HMGCL: variants seen among roughly 807,000 people sequenced by gnomAD.
HMGCL encodes 3-hydroxy-3-methylglutaryl-CoA lyase.
HMGCL carries 26 observed loss-of-function variants against 37.3 expected under a neutral mutation model. The ratio of observed to expected loss-of-function variants is 0.70; its 90% CI spans 0.51 to 0.97. HMGCL has a LOEUF of 0.97. Among genes scored for constraint, HMGCL ranks in the 50% least tolerant of loss-of-function variants. The pLI, the probability that HMGCL is intolerant of heterozygous loss-of-function variation, is 0.00. For missense variants in HMGCL, 379 were observed against 398.1 expected, an observed-to-expected ratio of 0.95 and a Z score of 0.41; for synonymous variants, 151 against 148.0, an observed-to-expected ratio of 1.02 and a Z score of -0.15.
At position 23,817,563 on chromosome 1, in the gene HMGCL, C is replaced by T. The variant is rs1173716795; in HGVS notation, c.165G>A (p.Val55=). The change falls in exon 3 of 9, where the codon GTG becomes GTA. Residue 55 remains valine (V), a synonymous_variant. Transcript: ENST00000374490. ...AAAGCATGTCTATCAGCTTGATTTT[C>T]ACTGGAGTAGATACGATATTCTATA... is the stretch of plus-strand genomic sequence containing the variant. The part of the protein sequence containing the change: ...QNEKNIVSTP[V]KIKLIDMLSE... 5 of 1,609,992 alleles carry T rather than the reference C, an allele frequency of 3.1e-6. No individual in the cohort carries two copies. The East Asian group carries it at 8.9e-5, about 29-fold the overall frequency.
intron 4 of HMGCL, among the ~76,000 whole-genome samples, chr1:23,815,421 T>G (rs1479016821): frequency 6.6e-6 from 1 of 152,032 alleles, no homozygotes; most frequent in African/African-American, 2.4e-5. Flanking sequence ...ATTTGGGACT[T>G]CTGGCCTCCA....
chr1:23,822,536 G>C (rs1638740177), intron 1 of HMGCL, among the ~76,000 whole-genome samples: 1 of 152,142 alleles, frequency 6.6e-6, no homozygotes, highest in Non-Finnish European at 1.5e-5. Context: ...ATCCGCTAAG[G>C]ATCTCAACCC....
In HMGCL at chr1:23,802,294, G is replaced by A; in HGVS notation, c.*169C>T. The A allele has an allele frequency of 1.5e-6, 1 of 645,512 alleles. No homozygotes were observed. 40.0% of individuals were successfully genotyped at this position (645,512 alleles called of 1,614,324 possible). ...GGGCAGGAGGTCCTTCTGCCAAGCA[G>A]CTCCTCCTGCCCTTCGCCTGCTTTC... On this transcript the variant is annotated 3_prime_UTR_variant, in exon 9 of 9. Transcript: ENST00000374490.
intron 5 of HMGCL, among the ~76,000 whole-genome samples, chr1:23,811,379 C>T (rs1638517240): frequency 6.6e-6 from 1 of 152,244 alleles, no homozygotes; most frequent in Non-Finnish European, 1.5e-5. Context: ...GATAAGGTTC[C>T]TGCCCTCTCA....
chr1:23,808,872 AGC>A (rs1416764787), intron 6 of HMGCL, among the ~76,000 whole-genome samples: 74 of 150,374 alleles, frequency 4.9e-4, no homozygotes, highest in Non-Finnish European at 9.3e-4. Context: ...CCTCCCAAGT[AGC>A]TTGGACCATA....
intron 4 of HMGCL, among the ~76,000 whole-genome samples, chr1:23,814,833 G>A (rs912867140): frequency 1.3e-5 from 2 of 152,080 alleles, no homozygotes; most frequent in Non-Finnish European, 2.9e-5. Context: ...TGGAAACAGC[G>A]TCATTGCAGA....
At chr1:23,815,483 CTTTCTTTTTTTT>C (rs1638595869) in intron 4 of HMGCL, among the ~76,000 whole-genome samples, 1 of 151,366 alleles carries the variant, frequency 6.6e-6, no homozygotes, top group Non-Finnish European at 1.5e-5. Context: ...ATTTGTAGTG[CTTTCTTTTTTTT>C]TTTCTTTTTT....
intron 2 of HMGCL, among the ~76,000 whole-genome samples, chr1:23,819,979 T>C (rs944535995): frequency 6.6e-6 from 1 of 152,198 alleles, no homozygotes; most frequent in Non-Finnish European, 1.5e-5. Context: ...CCAACTTTCC[T>C]CATACTAAAT....
chr1:23,807,246 G>C (rs781518514), intron 7 of HMGCL: 23 of 518,640 alleles, frequency 4.4e-5, no homozygotes, highest in Admixed American at 7.8e-5. Flanking sequence ...CGCATGAGCT[G>C]AAGGAAAGCC....
chr1:23,808,349 G>A lies in HMGCL; in HGVS notation c.562-26C>T, dbSNP rs777252663. On this transcript the variant is annotated intron_variant, in intron 6 of 8. Transcript: ENST00000374490. ...CTAAGGAAGCAAGCAGGCACTTGGA[G>A]GATACAGAATCCACCAGCCAGGGGA... 1.9e-5 allele frequency: 30 copies of A among 1,604,550 alleles called. No homozygotes were observed. The South Asian group carries it at 3.2e-4, about 17-fold the overall frequency.
Position 23,802,440 on chromosome 1 carries a change from A to G in HMGCL, c.*23T>C. The G allele has an allele frequency of 7.0e-7, 1 of 1,425,004 alleles. No homozygotes were observed. The highest frequency in any genetic ancestry group is 1.4e-5 in the African/African-American group (1 of 71,284). The allele number at this position is 1,425,004 out of a possible 1,614,324, so 88.3% of individuals were successfully genotyped here. On this transcript the variant is annotated 3_prime_UTR_variant, in exon 9 of 9. Transcript: ENST00000374490. ...GTGCCCCTATTTCCACATCATCCCC[A>G]GGGCTTCAGGTGGGCAAGGGGCTCA...
At chr1:23,820,089 A>G (rs1638685253) in intron 2 of HMGCL, among the ~76,000 whole-genome samples, 1 of 152,208 alleles carries the variant, frequency 6.6e-6, no homozygotes, top group Non-Finnish European at 1.5e-5. Context: ...CTTGCTTTGG[A>G]TAAATCCCCT....
chr1:23,817,630 C>T (rs1193931939), intron 2 of HMGCL, 47 bp from the exon 3 acceptor site: 2 of 1,212,436 alleles, frequency 1.6e-6, no homozygotes, highest in Admixed American at 3.4e-5. Context: ...AGTAACAAAA[C>T]AGCCTCAAAA....
chr1:23,816,403 T>C (rs1367164354), intron 4 of HMGCL: 2 of 502,638 alleles, frequency 4.0e-6, no homozygotes, highest in African/African-American at 1.9e-5. Flanking sequence ...AGTTACCTTT[T>C]ATCTGGCTCT....
rs1367775472 is a variant in HMGCL, at chr1:23,818,998, G to A, written c.145-1415C>T. Among the ~76,000 whole-genome samples, 9 of 102,012 alleles carry A rather than the reference G, an allele frequency of 8.8e-5. No homozygotes were observed. In the Admixed American group the frequency reaches 9.6e-4, roughly 11 times the overall value. The allele number at this position is 102,012 out of a possible 152,430, so 66.9% of individuals were successfully genotyped here. On this transcript the variant is annotated intron_variant, in intron 2 of 8. Coordinates refer to ENST00000374490, the MANE Select transcript of HMGCL (RefSeq NM_000191.3). ...AAGCACTCACTATTAAAGCTAGGAT[G>A]GACGTGCTAAAAAAAAAAAAAAAAA... is the stretch of plus-strand genomic sequence containing the variant.
chr1:23,810,993 A>C (rs955622526), intron 5 of HMGCL, among the ~76,000 whole-genome samples, 194 bp from the exon 6 acceptor site: 3 of 152,150 alleles, frequency 2.0e-5, no homozygotes, highest in Non-Finnish European at 4.4e-5. Flanking sequence ...ACTGGGGGAC[A>C]ATGGACCTAC....
At position 23,814,221 on chromosome 1, in the gene HMGCL, C is replaced by A. The variant is rs1359998632; in HGVS notation, c.466G>T (p.Ala156Ser). The A allele has an allele frequency of 1.2e-6, 2 of 1,614,044 alleles. No homozygotes were observed. Residue 156 changes from alanine (A) to serine (S), a missense_variant, in exon 5 of 9, where the codon GCA becomes TCA. Transcript: ENST00000374490. Reference sequence around the variant, plus strand: ...ACAGAAATATTGGCTGACTGCGCTGCCTTCAGGATTGCGTCAAACCTCTGA... The same window carrying A: ...ACAGAAATATTGGCTGACTGCGCTGACTTCAGGATTGCGTCAAACCTCTGA... ...SFQRFDAILK[A>S]AQSANISVRG...
At position 23,808,151 on chromosome 1, in the gene HMGCL, G is replaced by A. The variant is rs761468576; in HGVS notation, c.734C>T (p.Thr245Ile). Reference protein sequence around the residue: ...HDTYGQALANTLMALQMGVSV... With the variant: ...HDTYGQALANILMALQMGVSV... The stretch of plus-strand genomic sequence containing the variant: ...TTTGATTACCTGCAGGGCCATCAAG[G>A]TGTTGGCCAGGGCTTGACCATAGGT... Residue 245 changes from threonine to isoleucine, a missense_variant, in exon 7 of 9, where the codon ACC becomes ATC. Coordinates refer to ENST00000374490, the MANE Select transcript of HMGCL (RefSeq NM_000191.3). The A allele has an allele frequency of 4.3e-6, 7 of 1,614,040 alleles. No homozygotes were observed. In the Admixed American group the frequency reaches 1.0e-4, roughly 23 times the overall value.
chr1:23,821,856 T>A (rs531723290), intron 1 of HMGCL, among the ~76,000 whole-genome samples: 30 of 152,220 alleles, frequency 2.0e-4, no homozygotes, highest in East Asian at 1.5e-3. Context: ...TGGCTTTTTT[T>A]AAAAAAACTG....
Sources: gnomAD v4.1 joint callset for allele counts (sites outside exome capture counted in the v4.1 genomes callset) on GRCh38, gnomAD v4.1.1 for gene constraint, MANE v1.5 for transcripts, NCBI Gene and HGNC (gene_info 2026-07-23, HGNC 2026-07-21) for gene names.